The following ASTN2 variants were observed in gnomAD, a reference collection of about 807,000 sequenced individuals.
The protein encoded by ASTN2 is astrotactin 2.
ASTN2 carries 54 observed loss-of-function variants against 139.8 expected under a neutral mutation model. That is an observed-to-expected ratio of 0.39 (90% CI 0.31 to 0.48). The LOEUF is 0.48. Ranked by LOEUF, ASTN2 falls within the 20% of genes least tolerant of loss-of-function variation. ASTN2 has a pLI of 0.95. For synonymous variants in ASTN2, 756 were observed against 719.5 expected, an observed-to-expected ratio of 1.05 and a Z score of -0.81; for missense variants, 1,565 against 1,725.1, an observed-to-expected ratio of 0.91 and a Z score of 1.64.
At chr9:116,598,993 C>T (rs906136153) in intron 19 of ASTN2, among the ~76,000 whole-genome samples, 1 of 152,228 alleles carries the variant, frequency 6.6e-6, no homozygotes, top group Admixed American at 6.5e-5. Context: ...TGGTGACATT[C>T]TCAAGAGAAG....
chr9:116,577,106 C>T (rs1238845399), intron 19 of ASTN2, among the ~76,000 whole-genome samples: 2 of 152,188 alleles, frequency 1.3e-5, no homozygotes, highest in East Asian at 3.8e-4. Context: ...AACTGAGGCT[C>T]AGACTAATTC....
chr9:116,649,572 C>CAAA (rs35946741), intron 17 of ASTN2, among the ~76,000 whole-genome samples: 1 of 137,624 alleles, frequency 7.3e-6, no homozygotes, highest in South Asian at 2.4e-4. Context: ...AAAACTGTCT[C>CAAA]AAAAAAAAAA....
intron 13 of ASTN2, among the ~76,000 whole-genome samples, chr9:116,792,049 T>A (rs1412135694): frequency 6.6e-6 from 1 of 152,100 alleles, no homozygotes; most frequent in Admixed American, 6.5e-5. Context: ...TTAGAGATGT[T>A]AACATTGAGA....
At chr9:116,867,288 A>G (rs4837957) in intron 10 of ASTN2, among the ~76,000 whole-genome samples, 139,241 of 151,992 alleles carry the variant, frequency 0.92, 63,862 homozygotes, top group African/African-American at 0.93. Flanking sequence ...GGTGGGAGGG[A>G]GAGTGAGAAA....
intron 10 of ASTN2, among the ~76,000 whole-genome samples, chr9:116,919,016 T>C (rs960111630): frequency 1.3e-5 from 2 of 152,200 alleles, no homozygotes; most frequent in Non-Finnish European, 2.9e-5. Flanking sequence ...TTGGGCTTTT[T>C]TTTTTAAACT....
intron 11 of ASTN2, among the ~76,000 whole-genome samples, chr9:116,842,747 C>CG (rs1432551991): frequency 6.1e-4 from 38 of 62,630 alleles, no homozygotes; most frequent in Admixed American, 2.6e-3. Flanking sequence ...TGGGGTGGGG[C>CG]GGGGGGAGGG....
chr9:116,678,090 TA>T (rs1316344115), intron 16 of ASTN2, among the ~76,000 whole-genome samples: 1 of 152,236 alleles, frequency 6.6e-6, no homozygotes, highest in African/African-American at 2.4e-5. Flanking sequence ...CTTTTGGAAA[TA>T]AAGACAGTTT....
At chr9:117,006,981 G>C (rs1434198535) in intron 7 of ASTN2, among the ~76,000 whole-genome samples, 1 of 152,160 alleles carries the variant, frequency 6.6e-6, no homozygotes, top group Non-Finnish European at 1.5e-5. Context: ...GCGACGTGTG[G>C]TGATGCGTGC....
At chr9:116,613,345 A>G (rs561879003) in intron 19 of ASTN2, 1 of 152,378 alleles carries the variant, frequency 6.6e-6, no homozygotes, top group Non-Finnish European at 1.5e-5. Flanking sequence ...AAATCAATAG[A>G]AAAAGAGGGA....
intron 5 of ASTN2, among the ~76,000 whole-genome samples, chr9:117,087,238 G>GTTTA (rs1459289484): frequency 6.6e-6 from 1 of 151,344 alleles, no homozygotes; most frequent in African/African-American, 2.4e-5. Context: ...TTGTTTGTTT[G>GTTTA]TTTGTTTGTT....
chr9:117,343,779 A>G (rs1219726759), intron 1 of ASTN2, among the ~76,000 whole-genome samples: 1 of 152,148 alleles, frequency 6.6e-6, no homozygotes, highest in African/African-American at 2.4e-5. Context: ...TTCCTACTAG[A>G]ATGTGCATGT....
intron 1 of ASTN2, among the ~76,000 whole-genome samples, chr9:117,389,269 G>A (rs1214722728): frequency 6.6e-6 from 1 of 152,162 alleles, no homozygotes; most frequent in Non-Finnish European, 1.5e-5. Context: ...GCTTCCAACA[G>A]TAGCAGAAGT....
chr9:116,723,351 A>C (rs1828526654), intron 16 of ASTN2, among the ~76,000 whole-genome samples: 1 of 152,170 alleles, frequency 6.6e-6, no homozygotes, highest in Non-Finnish European at 1.5e-5. Context: ...GAGAATTACT[A>C]TCCCTCATTT....
chr9:116,736,422 A>T (rs1433983873), intron 13 of ASTN2, among the ~76,000 whole-genome samples: 1 of 152,126 alleles, frequency 6.6e-6, no homozygotes, highest in Non-Finnish European at 1.5e-5. Flanking sequence ...AAGACATCCT[A>T]GCACTCCTCA....
chr9:117,070,658 A>C (rs1587930337), intron 5 of ASTN2, among the ~76,000 whole-genome samples: 6 of 146,174 alleles, frequency 4.1e-5, no homozygotes, highest in African/African-American at 1.5e-4. Context: ...AATGAGACGT[A>C]GATTTGGTCT....
At chr9:117,058,350 C>T (rs1429827648) in intron 5 of ASTN2, among the ~76,000 whole-genome samples, 1 of 152,060 alleles carries the variant, frequency 6.6e-6, no homozygotes, top group East Asian at 2.0e-4. Context: ...CTGAAGTATT[C>T]CCTTGTTTCA....
At chr9:116,567,408 C>T (rs963743933) in intron 19 of ASTN2, among the ~76,000 whole-genome samples, 10 of 152,164 alleles carry the variant, frequency 6.6e-5, no homozygotes, top group African/African-American at 1.4e-4. Flanking sequence ...TCTCAGTTGG[C>T]GGGGTGGGGC....
At chr9:117,095,985 G>A in intron 5 of ASTN2, 59 bp downstream of exon 5, 1 of 1,508,378 alleles carries the variant, frequency 6.6e-7, no homozygotes, top group Non-Finnish European at 9.2e-7. Context: ...CACAAAATCT[G>A]ATTTCCAGGA....
intron 19 of ASTN2, among the ~76,000 whole-genome samples, chr9:116,518,393 G>A (rs1850735927): frequency 6.6e-6 from 1 of 152,112 alleles, no homozygotes; most frequent in Non-Finnish European, 1.5e-5. Flanking sequence ...CAGGAATTGT[G>A]TATCCAGAAA....
Sources: allele counts gnomAD v4.1 joint callset (sites outside exome capture counted in the v4.1 genomes callset), GRCh38; gene constraint gnomAD v4.1.1; transcripts MANE v1.5; gene names NCBI Gene and HGNC (gene_info 2026-07-23, HGNC 2026-07-21).